YBEY: variants seen among roughly 807,000 people sequenced by gnomAD.
YBEY encodes the protein endoribonuclease YbeY.
Under a neutral mutation model 13.5 loss-of-function variants are expected in YBEY, and 15 were observed. The ratio of observed to expected loss-of-function variants is 1.11; its 90% CI spans 0.75 to 1.72. YBEY has a LOEUF of 1.72. Among genes scored for constraint, YBEY ranks in the 40% most tolerant of loss-of-function variants. YBEY has a pLI of 0.00. For synonymous variants in YBEY, 101 were observed against 83.1 expected (o/e 1.21, Z -1.17); for missense variants, 244 against 208.4 (o/e 1.17, Z -1.05).
intron 2 of YBEY, among the ~76,000 whole-genome samples, chr21:46,288,712 C>T (rs1024838771): frequency 6.6e-6 from 1 of 150,694 alleles, no homozygotes; most frequent in African/African-American, 2.4e-5. Context: ...AAAGAAAATG[C>T]TGAATCACGT....
the YBEY span, among the ~76,000 whole-genome samples, chr21:46,309,955 C>G: frequency 5.9e-5 from 9 of 152,148 alleles, no homozygotes; most frequent in South Asian, 1.0e-3. Flanking sequence ...CGAGATCACG[C>G]CACTGCACTC....
intron 2 of YBEY, among the ~76,000 whole-genome samples, chr21:46,288,711 G>A (rs992002289): frequency 6.6e-6 from 1 of 150,702 alleles, no homozygotes; most frequent in Non-Finnish European, 1.5e-5. Context: ...AAAAGAAAAT[G>A]CTGAATCACG....
downstream of YBEY, chr21:46,302,575 G>A (rs151147810): frequency 4.1e-4 from 659 of 1,610,114 alleles, no homozygotes; most frequent in Non-Finnish European, 5.5e-4. Flanking sequence ...GCTCCACCAT[G>A]TCTGCAGGGA....
chr21:46,302,883 C>T, the YBEY span, among the ~76,000 whole-genome samples: 1 of 75,866 alleles, frequency 1.3e-5, no homozygotes. Flanking sequence ...CGTCTGCACA[C>T]GGTGCGGGTC....
At chr21:46,302,073 G>GGTA (rs2145880950), downstream of YBEY, 9 of 1,316,396 alleles carry the variant, frequency 6.8e-6, no homozygotes, top group Non-Finnish European at 9.3e-6. Context: ...CACACAGCAT[G>GGTA]GTGGTGGTGG....
the YBEY span, among the ~76,000 whole-genome samples, chr21:46,310,482 C>CAAAAAA: frequency 7.9e-6 from 1 of 126,746 alleles, no homozygotes; most frequent in African/African-American, 3.8e-5. Context: ...TGTCTCAGAA[C>CAAAAAA]AAAAAAAATA....
At chr21:46,308,212 C>T in the YBEY span, among the ~76,000 whole-genome samples, 40 of 152,234 alleles carry the variant, frequency 2.6e-4, no homozygotes, top group African/African-American at 8.2e-4. Context: ...CCCATAATCC[C>T]AGCACTTTGG....
chr21:46,300,786 G>T (rs1339752172), downstream of YBEY: 1 of 1,289,226 alleles, frequency 7.8e-7, no homozygotes, highest in South Asian at 1.2e-5. Context: ...AGGAATGAAA[G>T]AATCTGTCCT....
intron 3 of YBEY, among the ~76,000 whole-genome samples, chr21:46,295,436 T>G (rs1312051078): frequency 6.6e-6 from 1 of 151,968 alleles, no homozygotes; most frequent in African/African-American, 2.4e-5. Flanking sequence ...TGTGGCTCCA[T>G]AAACCCCCTT....
At chr21:46,291,891 T>G in intron 3 of YBEY, 1 of 962,070 alleles carries the variant, frequency 1.0e-6, no homozygotes, top group Non-Finnish European at 1.2e-6. Flanking sequence ...TCACTGCAAT[T>G]GTGGTATTGC....
intron 3 of YBEY, among the ~76,000 whole-genome samples, chr21:46,295,621 C>T (rs2081925437): frequency 6.6e-6 from 1 of 152,100 alleles, no homozygotes; most frequent in Admixed American, 6.5e-5. Flanking sequence ...GCTGCACCTC[C>T]CTCCGCCTCC....
At chr21:46,291,214 A>AT (rs2081692855) in intron 2 of YBEY, 120 bp from the exon 3 acceptor site, 3 of 1,185,838 alleles carry the variant, frequency 2.5e-6, no homozygotes, top group African/African-American at 4.0e-5. Context: ...AAAAAAAAAA[A>AT]AAGTGATTTG....
the YBEY span, chr21:46,313,068 G>A: frequency 1.0e-6 from 1 of 985,412 alleles, no homozygotes. Context: ...CAGAGACCAA[G>A]AGTTGGCAAA....
At chr21:46,302,747 G>A (rs2145893876), downstream of YBEY, among the ~76,000 whole-genome samples, 1 of 148,238 alleles carries the variant, frequency 6.7e-6, no homozygotes, top group Non-Finnish European at 1.5e-5. Context: ...CGCGCCCTGA[G>A]CCCGTCTGCA....
chr21:46,300,960 A>G (rs2082086543), downstream of YBEY, among the ~76,000 whole-genome samples: 1 of 152,162 alleles, frequency 6.6e-6, no homozygotes, highest in Non-Finnish European at 1.5e-5. Flanking sequence ...ACAGCACAGA[A>G]GGAAACTGAA....
At chr21:46,302,538 G>A (rs1157271957), downstream of YBEY, 1 of 1,612,758 alleles carries the variant, frequency 6.2e-7, no homozygotes, top group Admixed American at 1.7e-5. Context: ...ACCAACTGGT[G>A]CACCTGTGCG....
In YBEY at chr21:46,292,619, GGGACAGCCACGCA is replaced by G. The variant is rs1569099091; in HGVS notation, c.339+1158_339+1170del. On this transcript the variant is annotated intron_variant, in intron 3 of 4. Coordinates refer to ENST00000397701, the MANE Select transcript of YBEY (RefSeq NM_001314025.2). Reference sequence around the variant, plus strand: ...CCTGACCCGTGCCCGGGACTCAGTGGGGACAGCCACGCAAGTTAAACTCTAGATTAAATTCCTC... The same window carrying G: ...CCTGACCCGTGCCCGGGACTCAGTGGAGTTAAACTCTAGATTAAATTCCTC... 1.0e-3 allele frequency among the ~76,000 whole-genome samples: 113 copies of G among 112,626 alleles called. 3 individuals are homozygous for G. Among genetic ancestry groups the G allele is most frequent in the Middle Eastern group, 0.012 (2 of 168 alleles). The allele number at this position is 112,626 out of a possible 152,430, so 73.9% of individuals were successfully genotyped here. A position where few individuals can be genotyped will look rare whatever the true frequency, so the allele number is the denominator to read the frequency against.
chr21:46,300,602 C>T (rs948856824), downstream of YBEY: 1 of 1,159,750 alleles, frequency 8.6e-7, no homozygotes, highest in African/African-American at 1.6e-5. Flanking sequence ...GTGTTACTGC[C>T]AGTAGCTGCG....
At chr21:46,296,989 T>G (rs1332532418) in intron 4 of YBEY, among the ~76,000 whole-genome samples, 1 of 135,258 alleles carries the variant, frequency 7.4e-6, no homozygotes, top group Non-Finnish European at 1.6e-5. Context: ...AGAGTGAAAG[T>G]CCGTCTCAAA....
Sources: allele counts gnomAD v4.1 joint callset (sites outside exome capture counted in the v4.1 genomes callset), GRCh38; gene constraint gnomAD v4.1.1; transcripts MANE v1.5; gene names NCBI Gene and HGNC (gene_info 2026-07-23, HGNC 2026-07-21).